Variants in AUTS2 observed in about 807,000 individuals in gnomAD.
AUTS2 encodes the protein autism susceptibility gene 2 protein.
Under a neutral mutation model 112.4 loss-of-function variants are expected in AUTS2, and 17 were observed. The ratio of observed to expected loss-of-function variants is 0.15; its 90% CI spans 0.10 to 0.23. The LOEUF (loss-of-function observed/expected upper bound fraction) is 0.23. AUTS2 is among the 10% of genes least tolerant of loss of function. The pLI is 1.00. For synonymous variants in AUTS2, 751 were observed against 702.7 expected, an observed-to-expected ratio of 1.07 and a Z score of -1.09; for missense variants, 1,510 against 1,701.6, an observed-to-expected ratio of 0.89 and a Z score of 1.98.
At chr7:69,824,501 G>A (rs1250977728) in intron 1 of AUTS2, 1 of 151,762 alleles carries the variant, frequency 6.6e-6, no homozygotes, top group African/African-American at 2.4e-5. Context: ...TGTGGCAGAA[G>A]TATAATTTAT....
intron 1 of AUTS2, among the ~76,000 whole-genome samples, chr7:69,891,783 T>C: frequency 1.4e-5 from 1 of 70,640 alleles, no homozygotes; most frequent in African/African-American, 7.3e-5. Context: ...TCTTTTTTTT[T>C]TTTTTTTTTT....
At chr7:70,038,160 C>G (rs148726337) in intron 2 of AUTS2, among the ~76,000 whole-genome samples, 1 of 151,968 alleles carries the variant, frequency 6.6e-6, no homozygotes, top group South Asian at 2.1e-4. Flanking sequence ...GTTGAGAACC[C>G]GTAGGCTCTG....
chr7:70,162,218 G>A (rs1361831915), intron 4 of AUTS2, among the ~76,000 whole-genome samples: 4 of 151,408 alleles, frequency 2.6e-5, no homozygotes, highest in African/African-American at 4.8e-5. Flanking sequence ...AGGCCGAGGC[G>A]GGCGGATCAC....
chr7:69,729,331 T>C (rs930628994), intron 1 of AUTS2, among the ~76,000 whole-genome samples: 77 of 148,744 alleles, frequency 5.2e-4, no homozygotes, highest in African/African-American at 1.5e-3. Context: ...ATTCTTTTAA[T>C]AGCATTTTTT....
intron 2 of AUTS2, among the ~76,000 whole-genome samples, chr7:69,907,888 AT>A (rs1795209164): frequency 6.6e-6 from 1 of 152,128 alleles, no homozygotes; most frequent in South Asian, 2.1e-4. Context: ...CAGGATTGTG[AT>A]TTGTTTCTTA....
chr7:70,471,894 A>G (rs985432345), intron 5 of AUTS2, among the ~76,000 whole-genome samples: 1 of 151,914 alleles, frequency 6.6e-6, no homozygotes, highest in African/African-American at 2.4e-5. Context: ...TGTCCATGGT[A>G]GTGTGTGTGA....
chr7:70,213,163 C>T (rs1810995412), intron 4 of AUTS2, among the ~76,000 whole-genome samples: 1 of 151,722 alleles, frequency 6.6e-6, no homozygotes, highest in African/African-American at 2.4e-5. Flanking sequence ...TGTATATCAA[C>T]GAATTTTTTT....
intron 6 of AUTS2, among the ~76,000 whole-genome samples, chr7:70,701,501 C>CA (rs1809457884): frequency 6.6e-6 from 1 of 152,188 alleles, no homozygotes; most frequent in African/African-American, 2.4e-5. Flanking sequence ...TATTTTATAT[C>CA]ACGTTTGTTC....
At chr7:69,708,639 T>G (rs1333702417) in intron 1 of AUTS2, among the ~76,000 whole-genome samples, 1 of 152,234 alleles carries the variant, frequency 6.6e-6, no homozygotes, top group Non-Finnish European at 1.5e-5. Context: ...AGAAATAAAT[T>G]AGGTCAGAGT....
At chr7:70,174,572 A>G (rs1808884381) in intron 4 of AUTS2, among the ~76,000 whole-genome samples, 1 of 152,238 alleles carries the variant, frequency 6.6e-6, no homozygotes, top group African/African-American at 2.4e-5. Flanking sequence ...TCCCATGCCT[A>G]GCTTCAAAGG....
intron 5 of AUTS2, among the ~76,000 whole-genome samples, chr7:70,626,483 A>G (rs1332276183): frequency 1.3e-5 from 2 of 152,052 alleles, no homozygotes. Flanking sequence ...CAGACAATGA[A>G]ATATATTTTT....
chr7:69,614,276 A>C (rs1398200376), intron 1 of AUTS2, among the ~76,000 whole-genome samples: 2 of 148,770 alleles, frequency 1.3e-5, no homozygotes, highest in African/African-American at 5.0e-5. Flanking sequence ...TATGAAGATC[A>C]GTCAAGTTAC....
rs141288643 is a variant in AUTS2 at position 69,837,190 on chromosome 7, A to G, written c.310-62096A>G. On this transcript the variant is annotated intron_variant, in intron 1 of 18. Transcript: ENST00000342771. Reference sequence around the variant, plus strand: ...ATAATAATCCAACTTTATAGAGATTATTATGAGGATTCTGTGAAACAAATG... The same window carrying G: ...ATAATAATCCAACTTTATAGAGATTGTTATGAGGATTCTGTGAAACAAATG... Among the ~76,000 whole-genome samples the G allele has an allele frequency of 1.0e-3, 158 of 152,328 alleles. 2 individuals carry two copies. The East Asian group carries it at 0.027, about 26-fold the overall frequency.
intron 2 of AUTS2, among the ~76,000 whole-genome samples, chr7:69,965,876 T>G (rs936214574): frequency 1.3e-5 from 2 of 152,130 alleles, no homozygotes; most frequent in Non-Finnish European, 2.9e-5. Context: ...CAGTGTGAAG[T>G]TTTACTATGC....
chr7:70,117,081 G>A (rs559045621), intron 2 of AUTS2, among the ~76,000 whole-genome samples: 5 of 143,766 alleles, frequency 3.5e-5, no homozygotes, highest in East Asian at 4.1e-4. Context: ...CCACTAGAAC[G>A]TAAACTTCAT....
chr7:70,003,825 AATAT>A (rs1195092691), intron 2 of AUTS2, among the ~76,000 whole-genome samples: 1 of 88,848 alleles, frequency 1.1e-5, no homozygotes, highest in East Asian at 2.9e-4. Context: ...GTTATATATG[AATAT>A]ATAATATATG....
chr7:69,714,760 T>G (rs1486935103), intron 1 of AUTS2, among the ~76,000 whole-genome samples: 1 of 152,182 alleles, frequency 6.6e-6, no homozygotes, highest in Non-Finnish European at 1.5e-5. Context: ...TCTGGGATCC[T>G]GATTGAAATT....
At chr7:69,773,095 T>G (rs1022939289) in intron 1 of AUTS2, among the ~76,000 whole-genome samples, 7 of 152,196 alleles carry the variant, frequency 4.6e-5, no homozygotes, top group African/African-American at 1.7e-4. Context: ...TTGAATTTTT[T>G]GGAAGGTTAG....
chr7:69,910,785 G>T (rs1349780477), intron 2 of AUTS2, among the ~76,000 whole-genome samples: 1 of 152,038 alleles, frequency 6.6e-6, no homozygotes, highest in South Asian at 2.1e-4. Flanking sequence ...CTGCCACCAC[G>T]CCCAGCGAAT....
Sources: allele counts gnomAD v4.1 joint callset (sites outside exome capture counted in the v4.1 genomes callset), GRCh38; gene constraint gnomAD v4.1.1; transcripts MANE v1.5; gene names NCBI Gene and HGNC (gene_info 2026-07-23, HGNC 2026-07-21).